DHX40: variants seen among roughly 807,000 people sequenced by gnomAD.
The protein encoded by DHX40 is DEAH-box helicase 40.
Under a neutral mutation model 89.6 loss-of-function variants are expected in DHX40, and 28 were observed. The ratio of observed to expected loss-of-function variants is 0.31; its 90% CI spans 0.23 to 0.43. The LOEUF (loss-of-function observed/expected upper bound fraction) is 0.43, where lower values mean the gene tolerates loss of function less well. Among genes scored for constraint, DHX40 ranks in the 20% least tolerant of loss-of-function variants. DHX40 has a pLI of 1.00. For missense variants in DHX40, 457 were observed against 844.0 expected, an observed-to-expected ratio of 0.54 and a Z score of 5.68; for synonymous variants, 226 against 283.6, an observed-to-expected ratio of 0.80 and a Z score of 2.04.
At chr17:59,597,731 T>G (rs2030180594) in intron 12 of DHX40, among the ~76,000 whole-genome samples, 1 of 149,286 alleles carries the variant, frequency 6.7e-6, no homozygotes, top group Admixed American at 6.6e-5. Context: ...GGTCAGGAGA[T>G]CGAGACCATC....
intron 15 of DHX40, chr17:59,604,110 C>T (rs2030702105): frequency 6.6e-6 from 1 of 152,166 alleles, no homozygotes; most frequent in African/African-American, 2.4e-5. Flanking sequence ...GGTGAAATGT[C>T]AGTGGGGTCT....
In DHX40 at chr17:59,607,575, C is replaced by A. The variant is rs755453222; in HGVS notation, c.*403C>A. 49 of 400,694 alleles carry A rather than the reference C, an allele frequency of 1.2e-4. No individual in the cohort carries two copies. In the Middle Eastern group the frequency reaches 4.4e-3, roughly 36 times the overall value. The allele number at this position is 400,694 out of a possible 1,614,324, so 24.8% of individuals were successfully genotyped here. A position where few individuals can be genotyped will look rare whatever the true frequency, so the allele number is the denominator to read the frequency against. The stretch of plus-strand genomic sequence containing the variant: ...TATTTTTCTTAAAATCTCTTTAAGG[C>A]CTTCTTGTTGCTGTTAGAATAGTGC... On this transcript the variant is annotated 3_prime_UTR_variant, in exon 18 of 18. Coordinates refer to ENST00000251241, the MANE Select transcript of DHX40 (RefSeq NM_024612.5).
intron 2 of DHX40, among the ~76,000 whole-genome samples, chr17:59,568,365 CAA>C (rs1234033666): frequency 1.3e-5 from 2 of 152,050 alleles, no homozygotes; most frequent in Non-Finnish European, 2.9e-5. Flanking sequence ...TAAAAAATAA[CAA>C]ATGTATTATT....
At chr17:59,606,745 C>CAAAAA (rs777660578) in intron 17 of DHX40, among the ~76,000 whole-genome samples, 1 of 57,542 alleles carries the variant, frequency 1.7e-5, no homozygotes, top group African/African-American at 6.8e-5. Context: ...GACTCCGTCT[C>CAAAAA]AAAAAAAAAA....
At chr17:59,604,252 G>A (rs868035729) in intron 15 of DHX40, 1 of 152,142 alleles carries the variant, frequency 6.6e-6, no homozygotes, top group Non-Finnish European at 1.5e-5. Context: ...GGGGTATTAG[G>A]TTGGCAGTTT....
chr17:59,600,853 A>ATTTT (rs59684239), intron 14 of DHX40, among the ~76,000 whole-genome samples: 112 of 130,836 alleles, frequency 8.6e-4, no homozygotes, highest in African/African-American at 3.0e-3. Context: ...TCTCAAAAAA[A>ATTTT]TTTTTTTTTT....
At chr17:59,570,127 T>A (rs201190479) in intron 2 of DHX40, among the ~76,000 whole-genome samples, 4 of 129,260 alleles carry the variant, frequency 3.1e-5, no homozygotes, top group South Asian at 2.2e-4. Context: ...AATGTATATT[T>A]ATATATAATA....
chr17:59,575,054 C>G (rs2048861876), intron 6 of DHX40, among the ~76,000 whole-genome samples: 1 of 151,416 alleles, frequency 6.6e-6, no homozygotes, highest in Non-Finnish European at 1.5e-5. Context: ...TAGCTTTTCT[C>G]CTTTGTTAAC....
intron 2 of DHX40, among the ~76,000 whole-genome samples, chr17:59,569,329 AAAATAAATAAATAAAT>A (rs5821271): frequency 3.2e-4 from 47 of 147,004 alleles, no homozygotes; most frequent in African/African-American, 1.1e-3. Flanking sequence ...CTCTATCTCA[AAAATAAATAAATAAAT>A]AAATAAATAA....
intron 12 of DHX40, among the ~76,000 whole-genome samples, chr17:59,595,154 A>G (rs567598646): frequency 1.2e-3 from 188 of 151,448 alleles, no homozygotes; most frequent in African/African-American, 4.4e-3. Context: ...CACAATCTCA[A>G]CTCACCACAA....
chr17:59,567,521 G>A (rs1343253925), intron 2 of DHX40, among the ~76,000 whole-genome samples: 1 of 152,162 alleles, frequency 6.6e-6, no homozygotes, highest in Admixed American at 6.6e-5. Flanking sequence ...GCTTTCCTCA[G>A]CCCTTTTCTG....
At chr17:59,587,580 C>T (rs952205023) in intron 11 of DHX40, among the ~76,000 whole-genome samples, 10 of 151,316 alleles carry the variant, frequency 6.6e-5, no homozygotes, top group Admixed American at 3.3e-4. Context: ...GCCTCAGCCT[C>T]CCAAGTAGCA....
intron 12 of DHX40, among the ~76,000 whole-genome samples, chr17:59,596,140 A>T (rs1436826061): frequency 2.0e-5 from 3 of 152,168 alleles, no homozygotes; most frequent in Non-Finnish European, 4.4e-5. Context: ...GCACTGACTC[A>T]CAGGTAGGCT....
Position 59,565,612 on chromosome 17 carries a change from C to T in DHX40, c.-60C>T, listed in dbSNP as rs953437358. 17 of 1,488,058 alleles carry T rather than the reference C, an allele frequency of 1.1e-5. No individual in the cohort carries two copies. Among genetic ancestry groups the T allele is most frequent in the African/African-American group, 1.4e-5 (1 of 72,036 alleles). The allele number at this position is 1,488,058 out of a possible 1,614,324, so 92.2% of individuals were successfully genotyped here. On this transcript the variant is annotated 5_prime_UTR_variant, in exon 1 of 18. Coordinates refer to ENST00000251241, the MANE Select transcript of DHX40 (RefSeq NM_024612.5). ...CTACGTCATCAGGGCGCGTCCTCGT[C>T]TTTCCCCTCCCATCTCCTCAGATCG...
chr17:59,607,220 G>T lies in DHX40; in HGVS notation c.*48G>T. On this transcript the variant is annotated 3_prime_UTR_variant, in exon 18 of 18. Coordinates refer to ENST00000251241, the MANE Select transcript of DHX40 (RefSeq NM_024612.5). ...GAAGTGGGAAAAGGAGCCAGGAAATGTGCTTCTACTTTGCCAGTTATTTCA... is the reference window on the plus strand; with the variant it reads ...GAAGTGGGAAAAGGAGCCAGGAAATTTGCTTCTACTTTGCCAGTTATTTCA... 6.2e-7 allele frequency: 1 copy of T among 1,614,158 alleles called. No individual in the cohort carries two copies. The highest frequency in any genetic ancestry group is 8.5e-7 in the Non-Finnish European group (1 of 1,180,046).
At chr17:59,577,056 A>G (rs1214874277) in intron 7 of DHX40, 1 of 572,044 alleles carries the variant, frequency 1.7e-6, no homozygotes, top group Non-Finnish European at 3.2e-6. Context: ...TTTTTCTTAG[A>G]GACAGGGTCT....
Position 59,565,703 on chromosome 17 carries a change from C to A in DHX40, c.32C>A (p.Ala11Glu), listed in dbSNP as rs200846551. 29 of 1,603,312 alleles carry A rather than the reference C, an allele frequency of 1.8e-5. No homozygotes were observed. The highest frequency in any genetic ancestry group is 2.7e-5 in the African/African-American group (2 of 74,998). Residue 11 changes from alanine to glutamate, a missense_variant, in exon 1 of 18, where the codon GCG (alanine) becomes GAG (glutamate). Transcript: ENST00000251241. Reference sequence around the variant, plus strand: ...CGGTTTCCCGCAGTCGCGGGCAGGGCGCCAAGGCGGCAGGAGGAGGGTGAG... The same window carrying A: ...CGGTTTCCCGCAGTCGCGGGCAGGGAGCCAAGGCGGCAGGAGGAGGGTGAG... MSRFPAVAGRAPRRQEEGERS... is the reference protein window; with the variant it reads MSRFPAVAGREPRRQEEGERS...
intron 7 of DHX40, 85 bp from the exon 8 acceptor site, chr17:59,577,181 T>A (rs2048896532): frequency 1.7e-6 from 2 of 1,164,942 alleles, no homozygotes; most frequent in South Asian, 1.3e-5. Flanking sequence ...GAAACATGAC[T>A]TGTAATGAAA....
At chr17:59,570,148 T>TATATA (rs907322975) in intron 2 of DHX40, among the ~76,000 whole-genome samples, 35 of 127,810 alleles carry the variant, frequency 2.7e-4, no homozygotes, top group African/African-American at 1.0e-3. Flanking sequence ...TATTATAAAT[T>TATATA]ATATAATACA....
Sources: gnomAD v4.1 joint callset for allele counts (sites outside exome capture counted in the v4.1 genomes callset) on GRCh38, gnomAD v4.1.1 for gene constraint, MANE v1.5 for transcripts, NCBI Gene and HGNC (gene_info 2026-07-23, HGNC 2026-07-21) for gene names.